Variants in PELP1 observed in about 807,000 individuals in gnomAD.
The protein encoded by PELP1 is proline, glutamate and leucine rich protein 1.
In PELP1, 32 loss-of-function variants were observed where a neutral mutation model predicts 95.5. The observed-to-expected ratio is 0.34, with a 90% CI of 0.25 to 0.45. The LOEUF (loss-of-function observed/expected upper bound fraction) is 0.45, where lower values mean the gene tolerates loss of function less well. Ranked by LOEUF, PELP1 falls within the 20% of genes least tolerant of loss-of-function variation. PELP1 has a pLI of 1.00. For synonymous variants in PELP1, 668 were observed against 600.1 expected (o/e 1.11, Z -1.65); for missense variants, 1,358 against 1,444.8 (o/e 0.94, Z 0.97).
chr17:4,679,170 C>T (rs550593744), intron 5 of PELP1, among the ~76,000 whole-genome samples: 7 of 152,154 alleles, frequency 4.6e-5, no homozygotes, highest in African/African-American at 1.4e-4. Flanking sequence ...GAACCACAGG[C>T]ACACACCACC....
chr17:4,692,250 G>A (rs374990783), intron 1 of PELP1, among the ~76,000 whole-genome samples: 2 of 151,796 alleles, frequency 1.3e-5, no homozygotes, highest in South Asian at 2.1e-4. Context: ...GGCGGATCAC[G>A]AGGTCAGGAG....
rs1029792537 is a variant in PELP1 at position 4,673,318 on chromosome 17, G to A, written c.1777C>T (p.Arg593Cys). ...LLALLLAPSP[R>C]CPPPLACALQ... ...GCACAGGCAAGAGGAGGTGGGCAGC[G>A]AGGAGACGGGGCCAGCAGCAGCGCC... The change falls in exon 15 of 17, where the codon CGC becomes TGC. Residue 593 changes from arginine (R) to cysteine (C), a missense_variant. Arg to Cys is a radical substitution (Grantham distance 180, BLOSUM62 -3). Around this residue, in one of 7 missense-constraint regions of PELP1, gnomAD observed 538 missense variants for 628.1 expected, o/e 0.86. Transcript: ENST00000572293. This position sits in a 1 kb window ranked among gnomAD's most constrained non-coding sequence, Gnocchi z 5.7. The A allele has an allele frequency of 1.0e-5, 16 of 1,588,016 alleles. No homozygotes were observed. Among genetic ancestry groups the A allele is most frequent in the Admixed American group, 1.8e-5 (1 of 55,246 alleles).
At chr17:4,697,517 G>A (rs1200486462) in intron 1 of PELP1, among the ~76,000 whole-genome samples, 2 of 152,102 alleles carry the variant, frequency 1.3e-5, no homozygotes, top group African/African-American at 2.4e-5. Context: ...CTGTCTCAAT[G>A]AAACAAACAA....
Position 4,703,901 on chromosome 17 carries a change from A to C in PELP1, c.211T>G (p.Cys71Gly), listed in dbSNP as rs1913655520. Residue 71 changes from cysteine (C) to glycine (G), a missense_variant, in exon 1 of 17, where the codon TGC becomes GGC. By Grantham distance (159) the Cys-to-Gly change is radical. Coordinates refer to ENST00000572293, the MANE Select transcript of PELP1 (RefSeq NM_014389.3). ...ACCGACCCATGCAGCCGCAATAGGC[A>C]CATGAGCCCGGGCAAATGTGGGGCC... ...RSAPHLPGLM[C>G]LLRLHGSVGG... 3.7e-6 allele frequency: 6 copies of C among 1,613,382 alleles called. No homozygotes were observed. The highest frequency in any genetic ancestry group is 5.1e-6 in the Non-Finnish European group (6 of 1,179,710).
chr17:4,686,431 T>C (rs1271484090), intron 3 of PELP1, among the ~76,000 whole-genome samples: 1 of 152,232 alleles, frequency 6.6e-6, no homozygotes. Flanking sequence ...TCTCCTAGAT[T>C]ACTTTAGCAG....
intron 3 of PELP1, among the ~76,000 whole-genome samples, chr17:4,687,243 T>G (rs995427531): frequency 1.3e-5 from 2 of 152,170 alleles, no homozygotes; most frequent in Non-Finnish European, 2.9e-5. Flanking sequence ...ATTTATATAA[T>G]TATTCAATTA....
At chr17:4,698,490 A>C (rs1185276599) in intron 1 of PELP1, among the ~76,000 whole-genome samples, 1 of 151,676 alleles carries the variant, frequency 6.6e-6, no homozygotes, top group Non-Finnish European at 1.5e-5. Context: ...AAAAGAAAAA[A>C]AATTAGCCAG....
rs750627805 is a variant in PELP1 at position 4,672,240 on chromosome 17, TTCA to T, written c.2748_2750del (p.Asp916del). The stretch of plus-strand genomic sequence containing the variant: ...CTTCTTCCTCTTCAAAATATTCCTC[TTCA>T]TCCTCTTCCTCTTCCTCAAAGTCTT... On this transcript the variant is annotated inframe_deletion, in exon 16 of 17. Coordinates refer to ENST00000572293, the MANE Select transcript of PELP1 (RefSeq NM_014389.3). 4 of 1,552,538 alleles carry T rather than the reference TTCA, an allele frequency of 2.6e-6. No homozygotes were observed. The highest frequency in any genetic ancestry group is 1.7e-6 in the Non-Finnish European group (2 of 1,147,372).
In PELP1 at chr17:4,675,034, C is replaced by T. The variant is rs771649807; in HGVS notation, c.1274+45G>A. On this transcript the variant is annotated intron_variant, in intron 11 of 16. Coordinates refer to ENST00000572293, the MANE Select transcript of PELP1 (RefSeq NM_014389.3). This position sits in a 1 kb window ranked among gnomAD's most constrained non-coding sequence, Gnocchi z 4.3. ...GCCCCAGCCCACCTGCACCCCCTCA[C>T]CCCCCTCTCCTCTTTATTCCCTTCC... The T allele has an allele frequency of 6.2e-7, 1 of 1,606,812 alleles. No homozygotes were observed. The highest frequency in any genetic ancestry group is 2.2e-5 in the East Asian group (1 of 44,746).
At position 4,701,307 on chromosome 17, in the gene PELP1, G is replaced by A. The variant is rs117466443; in HGVS notation, c.249+2556C>T. Among the ~76,000 whole-genome samples, 941 of 139,284 alleles carry A rather than the reference G, an allele frequency of 6.8e-3. 25 individuals are homozygous for A. Among genetic ancestry groups the A allele is most frequent in the East Asian group, 0.051 (235 of 4,582 alleles). 91.4% of individuals were successfully genotyped at this position (139,284 alleles called of 152,430 possible). On this transcript the variant is annotated intron_variant, in intron 1 of 16. Transcript: ENST00000572293. Reference sequence around the variant, plus strand: ...AATAAGCAAAGAATTGAGAAGACTGGGAAGGAGGATGAGAGTTGGGGGGGT... The same window carrying A: ...AATAAGCAAAGAATTGAGAAGACTGAGAAGGAGGATGAGAGTTGGGGGGGT...
intron 13 of PELP1, among the ~76,000 whole-genome samples, chr17:4,674,203 G>A (rs568646433): frequency 6.6e-6 from 1 of 152,370 alleles, no homozygotes; most frequent in Non-Finnish European, 1.5e-5. Context: ...TGGAGGGGCT[G>A]TGTCGGCTAC....
chr17:4,691,881 T>A (rs140450453), intron 1 of PELP1: 1,755 of 155,814 alleles, frequency 0.011, 38 homozygotes, highest in African/African-American at 0.039. Flanking sequence ...TCCTTACAGC[T>A]GTAAAAATGC....
Position 4,675,319 on chromosome 17 carries a change from G to C in PELP1, c.1112C>G (p.Ser371Cys), listed in dbSNP as rs774538589. Residue 371 changes from serine to cysteine, a missense_variant, in exon 10 of 17, where the codon TCT (serine) becomes TGT (cysteine). Physicochemically the swap from Ser to Cys is moderately radical, Grantham distance 112. Around this residue, in one of 7 missense-constraint regions of PELP1, gnomAD observed 538 missense variants for 628.1 expected, o/e 0.86. Transcript: ENST00000572293. The surrounding 1 kb of genome is among the most constrained non-coding windows in gnomAD (Gnocchi z 4.3). ...CAGGTCCAAGGCCTCAAGGTGGATA[G>C]AGGGCAGCAGCAGCAGCCGCAGGGG... Reference protein sequence around the residue: ...DGPLRLLLLPSIHLEALDLLS... With the variant: ...DGPLRLLLLPCIHLEALDLLS... The C allele has an allele frequency of 5.8e-6, 9 of 1,564,672 alleles. No homozygotes were observed. In the African/African-American group the frequency reaches 8.1e-5, roughly 14 times the overall value.
At chr17:4,698,377 C>T (rs1356289172) in intron 1 of PELP1, among the ~76,000 whole-genome samples, 1 of 151,642 alleles carries the variant, frequency 6.6e-6, no homozygotes, top group Non-Finnish European at 1.5e-5. Context: ...CGCGGTGGCT[C>T]ACGCCAGCAC....
At chr17:4,679,460 G>C (rs1912615835) in intron 5 of PELP1, among the ~76,000 whole-genome samples, 1 of 152,162 alleles carries the variant, frequency 6.6e-6, no homozygotes, top group South Asian at 2.1e-4. Context: ...TAGCATTCTA[G>C]TCTCCTTAAC....
At chr17:4,698,452 G>A (rs1163917855) in intron 1 of PELP1, among the ~76,000 whole-genome samples, 19 of 148,200 alleles carry the variant, frequency 1.3e-4, no homozygotes. Context: ...GGCCAACATG[G>A]CGAAACCCCA....
chr17:4,703,759 T>C (rs1479163340), intron 1 of PELP1, 104 bp downstream of exon 1: 1 of 983,820 alleles, frequency 1.0e-6, no homozygotes, highest in Non-Finnish European at 1.5e-6. Context: ...GCAGCTCTCC[T>C]TCCTTCAACC....
chr17:4,681,832 T>C lies in PELP1; in HGVS notation c.642+670A>G, dbSNP rs142332049. On this transcript the variant is annotated intron_variant, in intron 5 of 16. Transcript: ENST00000572293. ...TTAATAAAATAAGATATGATGTGAATTGGTTGAACGTTAAAAATTTAAAAA... is the reference window on the plus strand; with the variant it reads ...TTAATAAAATAAGATATGATGTGAACTGGTTGAACGTTAAAAATTTAAAAA... Among the ~76,000 whole-genome samples, 7 of 149,708 alleles carry C rather than the reference T, an allele frequency of 4.7e-5. No individual in the cohort carries two copies. The East Asian group carries it at 1.4e-3, about 30-fold the overall frequency.
chr17:4,689,628 T>C (rs1184832696), intron 3 of PELP1, among the ~76,000 whole-genome samples: 1 of 152,144 alleles, frequency 6.6e-6, no homozygotes, highest in Non-Finnish European at 1.5e-5. Context: ...AAAGAAGCCA[T>C]TATATGAGAA....
Sources: allele counts gnomAD v4.1 joint callset (sites outside exome capture counted in the v4.1 genomes callset), GRCh38; gene constraint gnomAD v4.1.1; regional missense constraint gnomAD v4.1.1; non-coding constraint Gnocchi (gnomAD v3.1); transcripts MANE v1.5; gene names NCBI Gene and HGNC (gene_info 2026-07-23, HGNC 2026-07-21).